Variants in MGAM observed in about 807,000 individuals in gnomAD.
MGAM encodes maltase-glucoamylase, also known as alpha-1,4-glucosidase.
In MGAM, 253 loss-of-function variants were observed where a neutral mutation model predicts 358.8. The observed-to-expected ratio is 0.71, with a 90% CI of 0.64 to 0.78. MGAM has a LOEUF of 0.78. Among genes scored for constraint, MGAM ranks in the 30% least tolerant of loss-of-function variants. MGAM has a pLI of 0.00. For synonymous variants in MGAM, 1,105 were observed against 1,227.1 expected (o/e 0.90, Z 2.08); for missense variants, 3,080 against 3,432.6 (o/e 0.90, Z 2.57).
intron 21 of MGAM, among the ~76,000 whole-genome samples, chr7:142,044,334 TAA>T (rs1809664876): frequency 7.1e-6 from 1 of 140,608 alleles, no homozygotes; most frequent in South Asian, 2.1e-4. Flanking sequence ...ATATAATATA[TAA>T]TATATATATA....
chr7:142,002,916 G>A (rs1012738086), intron 1 of MGAM, among the ~76,000 whole-genome samples: 1 of 151,972 alleles, frequency 6.6e-6, no homozygotes, highest in African/African-American at 2.4e-5. Flanking sequence ...AAAATTAGTA[G>A]CATTTCCATA....
intron 60 of MGAM, 146 bp downstream of exon 60, chr7:142,093,696 C>T (rs1437136835): frequency 1.0e-6 from 1 of 985,904 alleles, no homozygotes; most frequent in Non-Finnish European, 1.5e-6. Flanking sequence ...ATTAGATAAA[C>T]ACTTAGTGAC....
rs774583874 is a variant in MGAM at position 142,091,963 on chromosome 7, C to G, written c.6861C>G (p.Ala2287=). 7.2e-6 allele frequency: 11 copies of G among 1,535,588 alleles called. 1 individual carries two copies. In the Admixed American group the frequency reaches 1.9e-4, roughly 27 times the overall value. ...CAGACTTTTTCCGTAATTCAACTGC[C>G]AAGTGGTGGAAGAGGGAAATAGAAG... ...AFPDFFRNST[A]KWWKREIEEL... Residue 2287 remains alanine (A), a synonymous_variant, in exon 58 of 71, where the codon GCC becomes GCG. Transcript: ENST00000475668.
chr7:142,054,405 GT>G (rs1455310682), intron 26 of MGAM, among the ~76,000 whole-genome samples: 4 of 151,062 alleles, frequency 2.6e-5, no homozygotes, highest in Non-Finnish European at 3.0e-5. Flanking sequence ...GGGGAGACAG[GT>G]TTTTTTTTGA....
In MGAM at chr7:142,008,549, T is replaced by G. The variant is rs1366722275; in HGVS notation, c.171T>G (p.Thr57=). ...GTTGTPDPGT[T]GTPDPGTTGT... ...CTGGTACCCCAGATCCTGGGACAAC[T>G]GGTACCCCAGATCCTGGAACAACTG... Residue 57 remains threonine (T), a synonymous_variant, in exon 3 of 71, where the codon ACT becomes ACG. Transcript: ENST00000475668. 6.2e-7 allele frequency: 1 copy of G among 1,612,554 alleles called. No individual in the cohort carries two copies. The highest frequency in any genetic ancestry group is 8.5e-7 in the Non-Finnish European group (1 of 1,179,168).
In MGAM at chr7:142,086,551, A is replaced by G; in HGVS notation, c.6748-104A>G. The G allele has an allele frequency of 1.0e-5, 7 of 679,510 alleles. 3 individuals carry two copies. In the East Asian group the frequency reaches 1.6e-4, roughly 16 times the overall value. The allele number at this position is 679,510 out of a possible 1,614,324, so 42.1% of individuals were successfully genotyped here. A position where few individuals can be genotyped will look rare whatever the true frequency, so the allele number is the denominator to read the frequency against. On this transcript the variant is annotated intron_variant, in intron 56 of 70. Transcript: ENST00000475668. ...TTTACATCAATCCTACATGATAATC[A>G]AAGTATTGCTCCTAGGAACATGGTT...
rs185606761 is a variant in MGAM, at chr7:142,093,889, G to A, written c.7172+339G>A. 3.8e-4 allele frequency among the ~76,000 whole-genome samples: 56 copies of A among 145,600 alleles called. 7 individuals are homozygous for A. In the East Asian group the frequency reaches 4.3e-3, roughly 11 times the overall value. The stretch of plus-strand genomic sequence containing the variant: ...AGGTGAAGGGAACACAGAGGACTGG[G>A]CATCTCTCCCCTTTATTTCAAAGTG... On this transcript the variant is annotated intron_variant, in intron 60 of 70. Coordinates refer to ENST00000475668, the MANE Select transcript of MGAM (RefSeq NM_001365693.1).
intron 29 of MGAM, 26 bp from the exon 30 acceptor site, chr7:142,056,804 G>A (rs1312591811): frequency 6.2e-7 from 1 of 1,610,838 alleles, no homozygotes; most frequent in South Asian, 1.1e-5. Flanking sequence ...GTGTCCGTGA[G>A]GCTTGGCATT....
chr7:142,027,691 A>C lies in MGAM; in HGVS notation c.1177A>C (p.Met393Leu). The change falls in exon 10 of 71, where the codon ATG (methionine) becomes CTG (leucine). Residue 393 changes from methionine to leucine, a missense_variant. Physicochemically the swap from Met to Leu is conservative, Grantham distance 15 (BLOSUM62 2). This residue lies in a region of MGAM where 1,816 missense variants were observed against 1,840.5 expected (regional missense o/e 0.99). Coordinates refer to ENST00000475668, the MANE Select transcript of MGAM (RefSeq NM_001365693.1). The part of the protein sequence containing the change: ...SRYEYGTLDN[M>L]REVVERNRAA... ...TTACGAATATGGAACCTTAGACAAC[A>C]TGAGGGAAGTCGTGGAGAGAAATCG... The C allele has an allele frequency of 6.2e-7, 1 of 1,613,478 alleles. No homozygotes were observed. Among genetic ancestry groups the C allele is most frequent in the African/African-American group, 1.3e-5 (1 of 75,052 alleles).
chr7:142,027,522 T>C (rs1372904058), intron 9 of MGAM, 88 bp from the exon 10 acceptor site: 3 of 1,385,088 alleles, frequency 2.2e-6, no homozygotes, highest in African/African-American at 2.9e-5. Context: ...GGAAATGGAC[T>C]ATGTTTGGTG....
chr7:142,045,180 CAT>C (rs1489094501), intron 21 of MGAM, among the ~76,000 whole-genome samples: 66 of 33,908 alleles, frequency 1.9e-3, no homozygotes, highest in African/African-American at 5.5e-3. Flanking sequence ...TATTATATAA[CAT>C]ATATGATATA....
chr7:142,052,992 C>T lies in MGAM; in HGVS notation c.3159+8C>T, dbSNP rs781496342. ...GAAATGCTGCAGTTCAAGGTAAACACAGTACATGTATCAGGTAGTGATTAG... is the reference window on the plus strand; with the variant it reads ...GAAATGCTGCAGTTCAAGGTAAACATAGTACATGTATCAGGTAGTGATTAG... On this transcript the variant is annotated splice_region_variant and intron_variant, in intron 26 of 70. Coordinates refer to ENST00000475668, the MANE Select transcript of MGAM (RefSeq NM_001365693.1). 26 of 1,612,920 alleles carry T rather than the reference C, an allele frequency of 1.6e-5. No homozygotes were observed. The highest frequency in any genetic ancestry group is 4.2e-6 in the Non-Finnish European group (5 of 1,179,180).
At position 142,068,339 on chromosome 7, in the gene MGAM, C is replaced by T. The variant is rs1813030731; in HGVS notation, c.5005-308C>T. ...CCACAAAATTTTCTTCTGCCCCAGACACAACCTCCCTTGTTTGTCTCTTTA... is the reference window on the plus strand; with the variant it reads ...CCACAAAATTTTCTTCTGCCCCAGATACAACCTCCCTTGTTTGTCTCTTTA... On this transcript the variant is annotated intron_variant, in intron 42 of 70. Transcript: ENST00000475668. 1.4e-5 allele frequency among the ~76,000 whole-genome samples: 2 copies of T among 143,690 alleles called. 1 individual carries two copies. Among genetic ancestry groups the T allele is most frequent in the South Asian group, 4.5e-4 (2 of 4,482 alleles). 94.3% of individuals were successfully genotyped at this position (143,690 alleles called of 152,430 possible). A position where few individuals can be genotyped will look rare whatever the true frequency, so the allele number is the denominator to read the frequency against.
chr7:142,082,296 C>T (rs553679244), intron 51 of MGAM, 86 bp downstream of exon 51: 3 of 1,447,602 alleles, frequency 2.1e-6, no homozygotes, highest in African/African-American at 2.7e-5. Flanking sequence ...CCAAACTCCA[C>T]TTGGTCGTCA....
intron 20 of MGAM, chr7:142,040,499 A>T: frequency 1.6e-6 from 1 of 607,066 alleles, no homozygotes; most frequent in Non-Finnish European, 2.8e-6. Context: ...TTTATATAAT[A>T]TATCAAATAG....
Position 142,083,188 on chromosome 7 carries a change from C to T in MGAM, c.6269-113C>T. ...ATGTGATTATGATAGAAAATACTGG[C>T]TCTTACTACTCTACGATAGGGAGGG... On this transcript the variant is annotated intron_variant, in intron 52 of 70. Coordinates refer to ENST00000475668, the MANE Select transcript of MGAM (RefSeq NM_001365693.1). The T allele has an allele frequency of 6.3e-6, 5 of 799,122 alleles. 1 individual carries two copies. The highest frequency in any genetic ancestry group is 2.5e-5 in the Admixed American group (1 of 40,594). 49.5% of individuals were successfully genotyped at this position (799,122 alleles called of 1,614,324 possible).
At chr7:142,055,416 A>T in intron 27 of MGAM, 142 bp from the exon 28 acceptor site, 1 of 1,007,524 alleles carries the variant, frequency 9.9e-7, no homozygotes, top group Non-Finnish European at 1.5e-6. Context: ...TGATATTTTA[A>T]TCAAATTGAG....
rs1284755819 is a variant in MGAM at position 142,043,769 on chromosome 7, AC to A, written c.2498+2924del. ...TATACACATACGACATATAATATAT[AC>A]ATTATATACACATACGACATATAAT... On this transcript the variant is annotated intron_variant, in intron 21 of 70. Coordinates refer to ENST00000475668, the MANE Select transcript of MGAM (RefSeq NM_001365693.1). 6.9e-4 allele frequency among the ~76,000 whole-genome samples: 59 copies of A among 85,132 alleles called. 4 individuals are homozygous for A. The highest frequency in any genetic ancestry group is 6.7e-3 in the South Asian group (19 of 2,818). The allele number at this position is 85,132 out of a possible 152,430, so 55.8% of individuals were successfully genotyped here.
chr7:142,026,804 T>C (rs1400728216), intron 8 of MGAM, among the ~76,000 whole-genome samples: 2 of 152,200 alleles, frequency 1.3e-5, no homozygotes, highest in East Asian at 1.9e-4. Flanking sequence ...TTTTTTTATG[T>C]CACAGTGGCT....
Sources: gnomAD v4.1 joint callset for allele counts (sites outside exome capture counted in the v4.1 genomes callset) on GRCh38, gnomAD v4.1.1 for gene constraint, gnomAD v4.1.1 regional missense constraint, MANE v1.5 for transcripts, NCBI Gene and HGNC (gene_info 2026-07-23, HGNC 2026-07-21) for gene names.